Variants in SLC4A4 observed in about 807,000 individuals in gnomAD.
SLC4A4 encodes the protein solute carrier family 4 member 4, also known as electrogenic sodium bicarbonate cotransporter 1.
SLC4A4 carries 27 observed loss-of-function variants against 111.5 expected under a neutral mutation model. The observed-to-expected ratio is 0.24, with a 90% CI of 0.18 to 0.33. The LOEUF (loss-of-function observed/expected upper bound fraction) is 0.33. Ranked by LOEUF, SLC4A4 falls within the 10% of genes least tolerant of loss-of-function variation. The probability of loss-of-function intolerance (pLI) is 1.00; values close to 1 mark genes in which losing one functional copy is unlikely to be tolerated. For missense variants in SLC4A4, 909 were observed against 1,315.5 expected (o/e 0.69, Z 4.78); for synonymous variants, 443 against 463.4 (o/e 0.96, Z 0.57).
intron 3 of SLC4A4, among the ~76,000 whole-genome samples, chr4:71,278,156 CT>C (rs1057032937): frequency 5.4e-4 from 79 of 147,050 alleles, no homozygotes; most frequent in Middle Eastern, 3.5e-3. Context: ...ATGGGTTTGA[CT>C]TTTTTTTTTT....
At chr4:71,287,704 C>T (rs1273671643) in intron 3 of SLC4A4, among the ~76,000 whole-genome samples, 1 of 152,126 alleles carries the variant, frequency 6.6e-6, no homozygotes, top group Non-Finnish European at 1.5e-5. Flanking sequence ...TTTCTTTATG[C>T]AATTTCAAAA....
In SLC4A4 at chr4:71,374,316, A is replaced by T. The variant is rs144735347; in HGVS notation, c.730+17129A>T. On this transcript the variant is annotated intron_variant, in intron 6 of 25. Coordinates refer to ENST00000264485, the MANE Select transcript of SLC4A4 (RefSeq NM_001098484.3). Reference sequence around the variant, plus strand: ...TTCCACGTATATTTTTGGCCTTTAAAATCTAAAGCAATTCCAAGTACAACT... The same window carrying T: ...TTCCACGTATATTTTTGGCCTTTAATATCTAAAGCAATTCCAAGTACAACT... 7.9e-5 allele frequency among the ~76,000 whole-genome samples: 12 copies of T among 152,266 alleles called. No homozygotes were observed. The East Asian group carries it at 2.3e-3, about 29-fold the overall frequency.
intron 2 of SLC4A4, among the ~76,000 whole-genome samples, chr4:71,249,633 A>C (rs930964510): frequency 1.3e-5 from 2 of 152,192 alleles, no homozygotes; most frequent in Admixed American, 6.5e-5. Context: ...TTGTGCCTGT[A>C]ATCCTAGCAC....
chr4:71,237,077 T>G (rs944340226), intron 2 of SLC4A4, among the ~76,000 whole-genome samples: 13 of 152,238 alleles, frequency 8.5e-5, no homozygotes, highest in African/African-American at 3.1e-4. Context: ...ATGATACCAT[T>G]GTTGCAGGAG....
chr4:71,246,041 G>T (rs537576547), intron 2 of SLC4A4, among the ~76,000 whole-genome samples: 1 of 152,308 alleles, frequency 6.6e-6, no homozygotes, highest in East Asian at 1.9e-4. Flanking sequence ...AACAATGTGG[G>T]TGTCATGGTT....
intron 5 of SLC4A4, among the ~76,000 whole-genome samples, chr4:71,353,023 C>G (rs1729979066): frequency 6.6e-6 from 1 of 152,194 alleles, no homozygotes; most frequent in South Asian, 2.1e-4. Flanking sequence ...TCTTCAGCAA[C>G]TAACTGACCG....
intron 2 of SLC4A4, among the ~76,000 whole-genome samples, chr4:71,105,908 CA>C (rs1292960521): frequency 2.6e-4 from 38 of 147,850 alleles, no homozygotes; most frequent in Middle Eastern, 3.5e-3. Context: ...CAACAAAAGA[CA>C]AAATAGACAA....
At chr4:71,153,549 A>T (rs988719552) in intron 2 of SLC4A4, among the ~76,000 whole-genome samples, 3 of 152,142 alleles carry the variant, frequency 2.0e-5, no homozygotes, top group African/African-American at 7.2e-5. Context: ...CACTTCCTTC[A>T]TCAGTAAAAT....
chr4:71,560,856 G>A (rs1736922663), intron 23 of SLC4A4, among the ~76,000 whole-genome samples: 1 of 151,746 alleles, frequency 6.6e-6, no homozygotes, highest in Non-Finnish European at 1.5e-5. Flanking sequence ...TAGTGTCATA[G>A]TCCAGAGGGT....
intron 3 of SLC4A4, among the ~76,000 whole-genome samples, chr4:71,292,846 T>G (rs1388778266): frequency 2.1e-5 from 3 of 142,782 alleles, no homozygotes; most frequent in Admixed American, 1.4e-4. Flanking sequence ...TTTTTTGTTT[T>G]TTTTTTTTTT....
intron 23 of SLC4A4, among the ~76,000 whole-genome samples, chr4:71,563,043 A>G (rs181024322): frequency 1.1e-4 from 16 of 151,908 alleles, no homozygotes; most frequent in African/African-American, 3.1e-4. Flanking sequence ...AAAAAAAACA[A>G]AGTGGTAATC....
chr4:71,259,773 TC>T (rs1459561379), intron 3 of SLC4A4, among the ~76,000 whole-genome samples: 1 of 152,114 alleles, frequency 6.6e-6, no homozygotes, highest in Non-Finnish European at 1.5e-5. Flanking sequence ...CCTCTGTGCC[TC>T]CCATTTTGTT....
Position 71,567,781 on chromosome 4 carries a change from T to C in SLC4A4, c.*37-7T>C. The C allele has an allele frequency of 3.6e-6, 5 of 1,396,030 alleles. No homozygotes were observed. Among genetic ancestry groups the C allele is most frequent in the Non-Finnish European group, 4.9e-6 (5 of 1,028,476 alleles). The allele number at this position is 1,396,030 out of a possible 1,614,324, so 86.5% of individuals were successfully genotyped here. On this transcript the variant is annotated splice_polypyrimidine_tract_variant and splice_region_variant and intron_variant, in intron 25 of 25. Transcript: ENST00000264485. ...ACTTACTACTTTTTTTTTTCCTTTT[T>C]CTCTAGTCCTCCTAGAACTCCAGTA...
At chr4:71,141,238 T>C (rs1029236444) in intron 2 of SLC4A4, among the ~76,000 whole-genome samples, 7 of 152,220 alleles carry the variant, frequency 4.6e-5, no homozygotes, top group African/African-American at 1.7e-4. Context: ...CACATATAAG[T>C]GAAAAATGTA....
intron 3 of SLC4A4, among the ~76,000 whole-genome samples, chr4:71,266,993 A>G (rs555116417): frequency 6.6e-6 from 1 of 152,348 alleles, no homozygotes. Context: ...TAACTACATC[A>G]GTATCAGTAT....
chr4:71,232,233 T>C (rs958298950), intron 1 of SLC4A4, among the ~76,000 whole-genome samples: 1 of 152,170 alleles, frequency 6.6e-6, no homozygotes, highest in East Asian at 1.9e-4. Flanking sequence ...GAATGTGAAA[T>C]ATGCATCAAA....
At chr4:71,443,534 C>T (rs960168737) in intron 8 of SLC4A4, among the ~76,000 whole-genome samples, 1 of 152,106 alleles carries the variant, frequency 6.6e-6, no homozygotes, top group Non-Finnish European at 1.5e-5. Context: ...AGGGAAGATT[C>T]AGCATCAGTG....
At chr4:71,107,340 G>T (rs1254624678) in intron 2 of SLC4A4, among the ~76,000 whole-genome samples, 21 of 151,700 alleles carry the variant, frequency 1.4e-4, no homozygotes. Flanking sequence ...GTGTTTAGTT[G>T]ACTTTTTGTT....
chr4:71,081,072 T>G (rs186582576), intron 1 of SLC4A4, among the ~76,000 whole-genome samples: 24 of 152,190 alleles, frequency 1.6e-4, no homozygotes, highest in Admixed American at 1.4e-3. Context: ...GTGTTTTATT[T>G]TATTATATAT....
Sources: gnomAD v4.1 joint callset for allele counts (sites outside exome capture counted in the v4.1 genomes callset) on GRCh38, gnomAD v4.1.1 for gene constraint, MANE v1.5 for transcripts, NCBI Gene and HGNC (gene_info 2026-07-23, HGNC 2026-07-21) for gene names.